The following MDN1 variants were observed in gnomAD, a reference collection of about 807,000 sequenced individuals.
MDN1 encodes midasin AAA ATPase 1, also known as midasin.
MDN1 carries 266 observed loss-of-function variants against 669.2 expected under a neutral mutation model. The observed-to-expected ratio is 0.40, with a 90% CI of 0.36 to 0.44. The LOEUF is 0.44. MDN1 is among the 20% of genes least tolerant of loss of function. The pLI is 1.00. For synonymous variants in MDN1, 2,385 were observed against 2,457.1 expected, an observed-to-expected ratio of 0.97 and a Z score of 0.87; for missense variants, 5,940 against 6,754.0, an observed-to-expected ratio of 0.88 and a Z score of 4.22.
At chr6:89,675,650 G>C in intron 77 of MDN1, 71 bp from the exon 78 acceptor site, 7 of 1,329,036 alleles carry the variant, frequency 5.3e-6, no homozygotes, top group Non-Finnish European at 7.5e-6. Context: ...CCTCTAGAAA[G>C]CTGTTTCTAC....
chr6:89,771,299 G>A (rs1378946459), intron 15 of MDN1, among the ~76,000 whole-genome samples: 1 of 152,102 alleles, frequency 6.6e-6, no homozygotes, highest in East Asian at 1.9e-4. Context: ...GAAGTTCCCT[G>A]CCTCTACATG....
chr6:89,670,158 ATATATATATATATTTTTTT>A (rs1190593214), intron 83 of MDN1, among the ~76,000 whole-genome samples: 44 of 24,336 alleles, frequency 1.8e-3, no homozygotes, highest in African/African-American at 4.9e-3. Context: ...ATATATATAT[ATATATATATATATTTTTTT>A]TTTTTTTTTT....
chr6:89,684,098 CT>C (rs1811834425), intron 71 of MDN1, among the ~76,000 whole-genome samples, 194 bp from the exon 72 acceptor site: 2 of 152,136 alleles, frequency 1.3e-5, no homozygotes, highest in Admixed American at 1.3e-4. Context: ...AATCCCAGCA[CT>C]TTGGGAGGCC....
In MDN1 at chr6:89,803,405, G is replaced by A. The variant is rs1357056351; in HGVS notation, c.252C>T (p.Gly84=). The change falls in exon 2 of 102, where the codon GGC becomes GGT. Residue 84 remains glycine, a synonymous_variant. Transcript: ENST00000369393. The stretch of plus-strand genomic sequence containing the variant: ...GTTCATGCAGATCATGGTTGATTTG[G>A]CCTCCAGCTTTAATGGCTTCGGCAT... The part of the protein sequence containing the change: ...ERNAEAIKAG[G]QINHDLHERL... 3 of 1,614,036 alleles carry A rather than the reference G, an allele frequency of 1.9e-6. No homozygotes were observed. Among genetic ancestry groups the A allele is most frequent in the Non-Finnish European group, 2.5e-6 (3 of 1,180,022 alleles).
At chr6:89,708,104 C>A (rs1813640105) in intron 51 of MDN1, among the ~76,000 whole-genome samples, 1 of 152,074 alleles carries the variant, frequency 6.6e-6, no homozygotes, top group African/African-American at 2.4e-5. Context: ...AAGTTTAAGA[C>A]CAGTCTGGGC....
Position 89,790,411 on chromosome 6 carries a change from C to T in MDN1, c.856-10G>A, listed in dbSNP as rs16882132. 278,448 of 1,612,812 alleles carry T rather than the reference C, an allele frequency of 0.17. 24,741 individuals carry two copies. Among genetic ancestry groups the T allele is most frequent in the East Asian group, 0.19 (8,743 of 44,848 alleles). Reference sequence around the variant, plus strand: ...AACTCCTATTACCACCCTAAAGAGGCAAGACAAAAGCCATGTCAAGAAGAG... The same window carrying T: ...AACTCCTATTACCACCCTAAAGAGGTAAGACAAAAGCCATGTCAAGAAGAG... On this transcript the variant is annotated splice_polypyrimidine_tract_variant and intron_variant, in intron 5 of 101. Coordinates refer to ENST00000369393, the MANE Select transcript of MDN1 (RefSeq NM_014611.3).
intron 68 of MDN1, 108 bp from the exon 69 acceptor site, chr6:89,687,131 T>C (rs1445748035): frequency 4.0e-6 from 6 of 1,486,122 alleles, no homozygotes; most frequent in African/African-American, 1.4e-5. Flanking sequence ...CAAATGGAGA[T>C]GGAGGAGCCA....
intron 75 of MDN1, among the ~76,000 whole-genome samples, chr6:89,678,182 G>C (rs1304312894): frequency 6.6e-6 from 1 of 152,142 alleles, no homozygotes; most frequent in Non-Finnish European, 1.5e-5. Flanking sequence ...TGAGGCAGGA[G>C]AATCGCTTGA....
chr6:89,724,534 T>C (rs1409696429), intron 38 of MDN1, among the ~76,000 whole-genome samples: 1 of 152,162 alleles, frequency 6.6e-6, no homozygotes, highest in Non-Finnish European at 1.5e-5. Context: ...TCACCTGCCT[T>C]GGCCTCCCAA....
In MDN1 at chr6:89,819,662, G is replaced by A. The variant is rs950258086; in HGVS notation, c.-55C>T. 108 of 1,492,372 alleles carry A rather than the reference G, an allele frequency of 7.2e-5. No individual in the cohort carries two copies. The highest frequency in any genetic ancestry group is 7.7e-5 in the Non-Finnish European group (83 of 1,084,096). The allele number at this position is 1,492,372 out of a possible 1,614,324, so 92.4% of individuals were successfully genotyped here. A position where few individuals can be genotyped will look rare whatever the true frequency, so the allele number is the denominator to read the frequency against. On this transcript the variant is annotated 5_prime_UTR_variant, in exon 1 of 102. In the 5' UTR this introduces an upstream ATG that the reference lacks. Transcript: ENST00000369393. Reference sequence around the variant, plus strand: ...CTGCGCTCCCTACTTCGCGGCCAGCGTCCCCAAGCCGCCGAGGTCCCAGTG... The same window carrying A: ...CTGCGCTCCCTACTTCGCGGCCAGCATCCCCAAGCCGCCGAGGTCCCAGTG...
At chr6:89,654,915 G>A (rs13201953) in intron 92 of MDN1, among the ~76,000 whole-genome samples, 2 of 152,122 alleles carry the variant, frequency 1.3e-5, no homozygotes, top group Non-Finnish European at 2.9e-5. Flanking sequence ...ACAGAAAGAC[G>A]AATAGGAATC....
chr6:89,745,211 TAACTC>T (rs1420511812), intron 29 of MDN1, 57 bp downstream of exon 29: 2 of 1,559,254 alleles, frequency 1.3e-6, no homozygotes, highest in Non-Finnish European at 1.7e-6. Context: ...TCTTCAGTGA[TAACTC>T]AAGTAATCCT....
chr6:89,662,278 A>G, intron 86 of MDN1, 39 bp from the exon 87 acceptor site: 2 of 1,586,238 alleles, frequency 1.3e-6, no homozygotes, highest in South Asian at 1.2e-5. Context: ...ATCACACTCA[A>G]TCCAAGAAAC....
chr6:89,776,069 A>C (rs118030651), intron 12 of MDN1, among the ~76,000 whole-genome samples: 1 of 152,376 alleles, frequency 6.6e-6, no homozygotes, highest in East Asian at 1.9e-4. Context: ...AGGTATTACT[A>C]AAACATAGTT....
At chr6:89,696,645 T>C (rs1812765464) in intron 59 of MDN1, 71 bp from the exon 60 acceptor site, 2 of 1,207,046 alleles carry the variant, frequency 1.7e-6, no homozygotes, top group African/African-American at 1.5e-5. Flanking sequence ...TTAGGGAACC[T>C]GAGAGGAAAG....
In MDN1 at chr6:89,794,083, C is replaced by A. The variant is rs374407860; in HGVS notation, c.662+17G>T. On this transcript the variant is annotated intron_variant, in intron 4 of 101. Transcript: ENST00000369393. ...AAGAAATGCTATAGCAAGACCTCCA[C>A]GAAGGTTCCTGCTTACCTCAACCTG... is the stretch of plus-strand genomic sequence containing the variant. 2.0e-6 allele frequency: 3 copies of A among 1,511,736 alleles called. No homozygotes were observed. The highest frequency in any genetic ancestry group is 1.4e-5 in the African/African-American group (1 of 71,016). The allele number at this position is 1,511,736 out of a possible 1,614,324, so 93.6% of individuals were successfully genotyped here.
intron 12 of MDN1, among the ~76,000 whole-genome samples, chr6:89,776,215 A>G (rs1423505217): frequency 6.6e-6 from 1 of 152,068 alleles, no homozygotes; most frequent in African/African-American, 2.4e-5. Flanking sequence ...TTATCCCAGC[A>G]CTTTGGGAGG....
intron 100 of MDN1, among the ~76,000 whole-genome samples, chr6:89,646,113 T>TC (rs1808475965): frequency 1.3e-5 from 2 of 152,274 alleles, no homozygotes; most frequent in South Asian, 4.1e-4. Flanking sequence ...AAGTTGGCCC[T>TC]CCATATACTC....
chr6:89,745,506 A>G lies in MDN1; in HGVS notation c.4025T>C (p.Val1342Ala), dbSNP rs1816560317. The G allele has an allele frequency of 1.2e-6, 2 of 1,614,026 alleles. No homozygotes were observed. The highest frequency in any genetic ancestry group is 4.5e-5 in the East Asian group (2 of 44,898). ...CPQSLFSKEN[V>A]LKLLGKLSTQ... ...GGCCTACTCACCCAGCAATTTTAGA[A>G]CATTTTCTTTGGAGAAAAGAGATTG... The change falls in exon 28 of 102, where the codon GTT becomes GCT. Residue 1342 changes from valine to alanine, a missense_variant. Around this residue, in one of 5 missense-constraint regions of MDN1, gnomAD observed 2,292 missense variants for 2,638.3 expected, o/e 0.87. Coordinates refer to ENST00000369393, the MANE Select transcript of MDN1 (RefSeq NM_014611.3).
Sources: allele counts gnomAD v4.1 joint callset (sites outside exome capture counted in the v4.1 genomes callset), GRCh38; gene constraint gnomAD v4.1.1; regional missense constraint gnomAD v4.1.1; transcripts MANE v1.5; gene names NCBI Gene and HGNC (gene_info 2026-07-23, HGNC 2026-07-21).